Variants in FTO observed in about 807,000 individuals in gnomAD.
FTO encodes alpha-ketoglutarate-dependent dioxygenase FTO.
A neutral mutation model predicts 63.9 loss-of-function variants in FTO; 47 were observed. That is an observed-to-expected ratio of 0.74 (90% confidence interval 0.58 to 0.94). The LOEUF is 0.94. FTO is among the 40% of genes least tolerant of loss of function. The probability of loss-of-function intolerance (pLI) is 0.00; values close to 1 mark genes in which losing one functional copy is unlikely to be tolerated. For synonymous variants in FTO, 207 were observed against 224.4 expected, an observed-to-expected ratio of 0.92 and a Z score of 0.69; for missense variants, 562 against 618.1, an observed-to-expected ratio of 0.91 and a Z score of 0.96.
chr16:53,825,840 G>GT (rs1384520142), intron 2 of FTO, 24 bp from the exon 3 acceptor site: 8 of 1,610,540 alleles, frequency 5.0e-6, no homozygotes, highest in Non-Finnish European at 6.8e-6. Context: ...ATCAACGTCT[G>GT]TTTTTGCTTT....
chr16:54,083,265 A>G lies in FTO; in HGVS notation c.1365-28497A>G, dbSNP rs377386399. Among the ~76,000 whole-genome samples, 11 of 152,232 alleles carry G rather than the reference A, an allele frequency of 7.2e-5. No individual in the cohort carries two copies. In the East Asian group the frequency reaches 1.9e-3, roughly 27 times the overall value. ...CCTGGCCCCTTGAAAGCAGCCCATT[A>G]TCTCCTCACCTCCCCCCATTTTATT... On this transcript the variant is annotated intron_variant, in intron 8 of 8. Coordinates refer to ENST00000471389, the MANE Select transcript of FTO (RefSeq NM_001080432.3).
chr16:53,744,909 G>A (rs2076614263), intron 1 of FTO, among the ~76,000 whole-genome samples: 1 of 151,740 alleles, frequency 6.6e-6, no homozygotes, highest in Non-Finnish European at 1.5e-5. Flanking sequence ...ATGTGGACAG[G>A]TAAACAAACA....
chr16:53,943,211 G>A (rs906046899), intron 8 of FTO, among the ~76,000 whole-genome samples: 7 of 152,150 alleles, frequency 4.6e-5, no homozygotes, highest in Non-Finnish European at 8.8e-5. Flanking sequence ...GATTAAATGA[G>A]TCTAGAGATA....
chr16:53,905,803 A>G (rs1360585666), intron 7 of FTO, among the ~76,000 whole-genome samples: 1 of 152,206 alleles, frequency 6.6e-6, no homozygotes, highest in Non-Finnish European at 1.5e-5. Context: ...AACACAACAC[A>G]TATTGGATGA....
intron 7 of FTO, among the ~76,000 whole-genome samples, chr16:53,920,478 C>T (rs1011403055): frequency 4.6e-5 from 7 of 152,178 alleles, no homozygotes; most frequent in South Asian, 2.1e-4. Flanking sequence ...CTGTCCAGAT[C>T]GCAGCCTACA....
chr16:53,983,350 T>C (rs1079562), intron 8 of FTO, among the ~76,000 whole-genome samples: 1,972 of 152,096 alleles, frequency 0.013, 20 homozygotes, highest in Non-Finnish European at 0.021. Flanking sequence ...CCCTAGGGTA[T>C]TGGATAATTT....
chr16:53,918,949 T>C (rs1268789462), intron 7 of FTO, among the ~76,000 whole-genome samples: 1 of 152,196 alleles, frequency 6.6e-6, no homozygotes, highest in Non-Finnish European at 1.5e-5. Context: ...TCCTTGTCTA[T>C]AAAAATGTGA....
intron 7 of FTO, among the ~76,000 whole-genome samples, chr16:53,917,359 T>C (rs1231098225): frequency 6.6e-6 from 1 of 152,230 alleles, no homozygotes; most frequent in East Asian, 1.9e-4. Context: ...CCACTACTTA[T>C]CAGCTCTGTG....
At chr16:54,062,271 A>G (rs1404528599) in intron 8 of FTO, among the ~76,000 whole-genome samples, 1 of 152,244 alleles carries the variant, frequency 6.6e-6, no homozygotes, top group African/African-American at 2.4e-5. Context: ...TGAAAATGAC[A>G]ACATTCAAAT....
chr16:53,813,502 G>A (rs1041520964), intron 2 of FTO, among the ~76,000 whole-genome samples: 30 of 152,162 alleles, frequency 2.0e-4, no homozygotes, highest in African/African-American at 7.0e-4. Flanking sequence ...GTGAGCCACT[G>A]CGCCTGGCCA....
chr16:53,941,969 G>A (rs545837597), intron 8 of FTO, among the ~76,000 whole-genome samples: 1 of 152,334 alleles, frequency 6.6e-6, no homozygotes, highest in East Asian at 1.9e-4. Flanking sequence ...GCATCTAGAA[G>A]AATGCCTGAC....
At chr16:53,738,737 C>T (rs973715908) in intron 1 of FTO, among the ~76,000 whole-genome samples, 3 of 152,172 alleles carry the variant, frequency 2.0e-5, no homozygotes, top group African/African-American at 4.8e-5. Flanking sequence ...ACACCCTTGC[C>T]AACACTTGTT....
At chr16:54,082,131 G>T (rs2086162844) in intron 8 of FTO, among the ~76,000 whole-genome samples, 1 of 152,156 alleles carries the variant, frequency 6.6e-6, no homozygotes, top group South Asian at 2.1e-4. Context: ...ATGTTATGAG[G>T]ACTATATGAT....
At chr16:53,844,831 T>C (rs1232461735) in intron 4 of FTO, among the ~76,000 whole-genome samples, 2 of 152,196 alleles carry the variant, frequency 1.3e-5, no homozygotes, top group Non-Finnish European at 2.9e-5. Context: ...CTGGATTCTT[T>C]ATCAGAGATA....
intron 7 of FTO, among the ~76,000 whole-genome samples, chr16:53,922,725 G>A (rs2082036472): frequency 6.6e-6 from 1 of 152,206 alleles, no homozygotes; most frequent in African/African-American, 2.4e-5. Flanking sequence ...ACCTAAGGTG[G>A]CACCTTTCTC....
intron 8 of FTO, among the ~76,000 whole-genome samples, chr16:53,968,141 G>A (rs1181424270): frequency 2.0e-5 from 3 of 152,150 alleles, no homozygotes; most frequent in African/African-American, 7.2e-5. Context: ...CACATTGTAT[G>A]TGCACTTAGG....
intron 4 of FTO, among the ~76,000 whole-genome samples, chr16:53,855,777 C>T (rs538042652): frequency 2.0e-5 from 3 of 152,134 alleles, no homozygotes; most frequent in East Asian, 1.9e-4. Context: ...TAACTAACCA[C>T]GTGACATCAC....
chr16:53,972,989 C>T (rs2083362718), intron 8 of FTO, among the ~76,000 whole-genome samples: 1 of 152,086 alleles, frequency 6.6e-6, no homozygotes, highest in African/African-American at 2.4e-5. Context: ...TACTTCATCC[C>T]CAGGTAGGAA....
intron 8 of FTO, among the ~76,000 whole-genome samples, chr16:54,000,754 C>T (rs529362222): frequency 2.6e-5 from 4 of 152,240 alleles, no homozygotes; most frequent in South Asian, 2.1e-4. Context: ...GATTAAAGCA[C>T]GGTAATAATC....
Sources: allele counts gnomAD v4.1 joint callset (sites outside exome capture counted in the v4.1 genomes callset), GRCh38; gene constraint gnomAD v4.1.1; transcripts MANE v1.5; gene names NCBI Gene and HGNC (gene_info 2026-07-23, HGNC 2026-07-21).